The following SLC47A1 variants were observed in gnomAD, a reference collection of about 807,000 sequenced individuals.
The protein encoded by SLC47A1 is multidrug and toxin extrusion protein 1.
Under a neutral mutation model 65.8 loss-of-function variants are expected in SLC47A1, and 58 were observed. The observed-to-expected ratio is 0.88, with a 90% CI of 0.71 to 1.10. The LOEUF (loss-of-function observed/expected upper bound fraction) is 1.10. SLC47A1 is among the 50% of genes least tolerant of loss of function. SLC47A1 has a pLI of 0.00. For missense variants in SLC47A1, 706 were observed against 719.2 expected (o/e 0.98, Z 0.21); for synonymous variants, 285 against 295.0 (o/e 0.97, Z 0.35).
At chr17:19,538,531 C>T (rs185539241) in intron 1 of SLC47A1, among the ~76,000 whole-genome samples, 26 of 152,372 alleles carry the variant, frequency 1.7e-4, no homozygotes, top group African/African-American at 6.3e-4. Flanking sequence ...ACCATCTGTA[C>T]TGTGGGTCCC....
intron 2 of SLC47A1, among the ~76,000 whole-genome samples, chr17:19,544,525 G>A (rs372065448): frequency 1.3e-5 from 2 of 152,192 alleles, no homozygotes; most frequent in Admixed American, 1.3e-4. Context: ...CAGACATCCT[G>A]TGATACCACT....
At position 19,560,219 on chromosome 17, in the gene SLC47A1, T is replaced by G; in HGVS notation, c.953T>G (p.Val318Gly). The G allele has an allele frequency of 1.2e-6, 2 of 1,613,324 alleles. No homozygotes were observed. The highest frequency in any genetic ancestry group is 8.5e-7 in the Non-Finnish European group (1 of 1,179,970). The change falls in exon 11 of 17, where the codon GTC becomes GGC. Residue 318 changes from valine (V) to glycine (G), a missense_variant. Transcript: ENST00000270570. Reference protein sequence around the residue: ...VPAGFSVAASVRVGNALGAGD... With the variant: ...VPAGFSVAASGRVGNALGAGD... ...GCAGGCTTCAGTGTGGCTGCCAGTG[T>G]CCGGGTAGGAAACGCTCTGGGTGCT... is the stretch of plus-strand genomic sequence containing the variant.
intron 1 of SLC47A1, among the ~76,000 whole-genome samples, chr17:19,541,526 T>C (rs1446503971): frequency 6.6e-6 from 1 of 152,114 alleles, no homozygotes; most frequent in Non-Finnish European, 1.5e-5. Flanking sequence ...GGAAGAATGG[T>C]TCAATATTCC....
intron 3 of SLC47A1, 74 bp from the exon 4 acceptor site, chr17:19,547,911 A>C: frequency 6.8e-7 from 1 of 1,471,606 alleles, no homozygotes; most frequent in Non-Finnish European, 9.1e-7. Flanking sequence ...GTGTGGCACA[A>C]TTGAAGGCTT....
intron 1 of SLC47A1, among the ~76,000 whole-genome samples, chr17:19,538,390 A>G (rs893966284): frequency 3.9e-5 from 6 of 152,160 alleles, no homozygotes; most frequent in Non-Finnish European, 7.3e-5. Flanking sequence ...CACTGCCCTG[A>G]CAGGCACTGC....
intron 4 of SLC47A1, 96 bp downstream of exon 4, chr17:19,548,229 C>A: frequency 6.9e-7 from 1 of 1,450,034 alleles, no homozygotes; most frequent in Non-Finnish European, 9.3e-7. Context: ...GGCTGCACAC[C>A]AAGGTGGTGC....
Position 19,542,506 on chromosome 17 carries a change from C to T in SLC47A1, c.237+12C>T. 1.3e-6 allele frequency: 2 copies of T among 1,596,826 alleles called. No individual in the cohort carries two copies. Among genetic ancestry groups the T allele is most frequent in the Non-Finnish European group, 8.5e-7 (1 of 1,172,778 alleles). On this transcript the variant is annotated intron_variant, in intron 2 of 16. Coordinates refer to ENST00000270570, the MANE Select transcript of SLC47A1 (RefSeq NM_018242.3). ...CGCTGGCAATCGCGGTACGTGTGGGCTTTCTGGCAGGTTTACCAACACTGT... is the reference window on the plus strand; with the variant it reads ...CGCTGGCAATCGCGGTACGTGTGGGTTTTCTGGCAGGTTTACCAACACTGT...
In SLC47A1 at chr17:19,573,829, A is replaced by C. The variant is rs562604466; in HGVS notation, c.1486+968A>C. ...CTGAGGGTGACCAGCAGTCTAGGGC[A>C]ATCTTGGAAATGGAGCTTTCTGGAG... is the stretch of plus-strand genomic sequence containing the variant. On this transcript the variant is annotated intron_variant, in intron 16 of 16. Transcript: ENST00000270570. Among the ~76,000 whole-genome samples, 7 of 151,992 alleles carry C rather than the reference A, an allele frequency of 4.6e-5. No individual in the cohort carries two copies. In the East Asian group the frequency reaches 1.4e-3, roughly 29 times the overall value.
intron 11 of SLC47A1, 44 bp from the exon 12 acceptor site, chr17:19,560,374 C>CCACT (rs770172960): frequency 6.2e-7 from 1 of 1,611,536 alleles, no homozygotes; most frequent in Admixed American, 1.7e-5. Flanking sequence ...TCCTGTGGAT[C>CCACT]TTCTTGTTCA....
At chr17:19,564,147 G>A (rs1311722585) in intron 12 of SLC47A1, among the ~76,000 whole-genome samples, 2 of 152,182 alleles carry the variant, frequency 1.3e-5, no homozygotes, top group African/African-American at 2.4e-5. Context: ...GAGCCCAGGA[G>A]TTCAAGACCA....
At chr17:19,542,610 A>G (rs12451696) in intron 2 of SLC47A1, 116 bp downstream of exon 2, 346,954 of 782,882 alleles carry the variant, frequency 0.44, 77,066 homozygotes, top group Middle Eastern at 0.6. Context: ...ATTCTCTTAC[A>G]GTGCTGGAGT....
chr17:19,558,985 G>A (rs966043828), intron 10 of SLC47A1, among the ~76,000 whole-genome samples: 8 of 152,138 alleles, frequency 5.3e-5, no homozygotes, highest in Non-Finnish European at 1.5e-5. Context: ...GTTTCAACAA[G>A]TGATGACTCC....
rs34710264 is a variant in SLC47A1, at chr17:19,547,347, C to CTT, written c.307-621_307-620dup. 2.9e-3 allele frequency among the ~76,000 whole-genome samples: 336 copies of CTT among 115,034 alleles called. 4 individuals carry two copies. The highest frequency in any genetic ancestry group is 8.1e-3 in the South Asian group (28 of 3,478). The allele number at this position is 115,034 out of a possible 152,430, so 75.5% of individuals were successfully genotyped here. On this transcript the variant is annotated intron_variant, in intron 3 of 16. Transcript: ENST00000270570. ...GCATGAGCCACAATGCCCAGCCTGGCTTTTTTTTTTTTTTTTTTGAGATGG... is the reference window on the plus strand; with the variant it reads ...GCATGAGCCACAATGCCCAGCCTGGCTTTTTTTTTTTTTTTTTTTTGAGATGG...
At chr17:19,574,828 A>G (rs6587197) in intron 16 of SLC47A1, among the ~76,000 whole-genome samples, 46,018 of 151,658 alleles carry the variant, frequency 0.3, 8,322 homozygotes, top group African/African-American at 0.51. Context: ...CAGAGACGGG[A>G]TTTCACCATG....
chr17:19,543,865 GT>G (rs1916218422), intron 2 of SLC47A1, among the ~76,000 whole-genome samples: 2 of 152,310 alleles, frequency 1.3e-5, no homozygotes, highest in East Asian at 3.9e-4. Flanking sequence ...AGGCATTTGA[GT>G]TTGCTATCCA....
At chr17:19,572,657 G>C (rs2084409495) in intron 15 of SLC47A1, 123 bp from the exon 16 acceptor site, 3 of 822,658 alleles carry the variant, frequency 3.6e-6, no homozygotes, top group South Asian at 1.5e-5. Flanking sequence ...CTGTGAATGA[G>C]AGGAACTTCA....
chr17:19,540,957 G>A (rs887153298), intron 1 of SLC47A1, among the ~76,000 whole-genome samples: 1 of 152,178 alleles, frequency 6.6e-6, no homozygotes, highest in Non-Finnish European at 1.5e-5. Context: ...CTCCCGGGAT[G>A]TGGATTCTAG....
intron 4 of SLC47A1, among the ~76,000 whole-genome samples, chr17:19,549,035 C>T (rs1916370979): frequency 6.6e-6 from 1 of 152,126 alleles, no homozygotes; most frequent in Non-Finnish European, 1.5e-5. Flanking sequence ...GTGGAACATC[C>T]TGCAGTGCTC....
In SLC47A1 at chr17:19,547,993, G is replaced by T; in HGVS notation, c.315G>T (p.Gly105=). 6.2e-7 allele frequency: 1 copy of T among 1,612,516 alleles called. No individual in the cohort carries two copies. The highest frequency in any genetic ancestry group is 8.5e-7 in the Non-Finnish European group (1 of 1,178,826). ...ACDTLISQTY[G]SQNLKHVGVI... ...GGCTGTGTGCACCCCAGACGTACGG[G>T]AGCCAGAACCTGAAGCACGTGGGCG... Residue 105 remains glycine (G), a synonymous_variant, in exon 4 of 17, where the codon GGG becomes GGT. Coordinates refer to ENST00000270570, the MANE Select transcript of SLC47A1 (RefSeq NM_018242.3).
Sources: gnomAD v4.1 joint callset for allele counts (sites outside exome capture counted in the v4.1 genomes callset) on GRCh38, gnomAD v4.1.1 for gene constraint, MANE v1.5 for transcripts, NCBI Gene and HGNC (gene_info 2026-07-23, HGNC 2026-07-21) for gene names.